The following ERBB4 variants were observed in gnomAD, a reference collection of about 807,000 sequenced individuals.
ERBB4 encodes the protein receptor tyrosine-protein kinase erbB-4.
ERBB4 carries 42 observed loss-of-function variants against 158.0 expected under a neutral mutation model. That is an observed-to-expected ratio of 0.27 (90% CI 0.21 to 0.34). The LOEUF (loss-of-function observed/expected upper bound fraction) is 0.34. ERBB4 is among the 10% of genes least tolerant of loss of function. ERBB4 has a pLI of 1.00. For synonymous variants in ERBB4, 583 were observed against 558.7 expected, an observed-to-expected ratio of 1.04 and a Z score of -0.61; for missense variants, 1,333 against 1,624.1, an observed-to-expected ratio of 0.82 and a Z score of 3.08.
chr2:211,865,215 A>G (rs1037034270), intron 3 of ERBB4, among the ~76,000 whole-genome samples: 1 of 151,126 alleles, frequency 6.6e-6, no homozygotes, highest in Admixed American at 6.6e-5. Context: ...GTATATATCT[A>G]TATGTATATA....
chr2:212,097,074 T>TA (rs1280604459), intron 2 of ERBB4, among the ~76,000 whole-genome samples: 1 of 152,188 alleles, frequency 6.6e-6, no homozygotes, highest in Non-Finnish European at 1.5e-5. Flanking sequence ...AATGTTTATT[T>TA]AGTACATACA....
At chr2:211,514,136 C>G (rs2065963830) in intron 20 of ERBB4, among the ~76,000 whole-genome samples, 1 of 152,158 alleles carries the variant, frequency 6.6e-6, no homozygotes, top group African/African-American at 2.4e-5. Context: ...CCCTTACCCT[C>G]TACTCTTCCC....
At chr2:212,199,630 T>A (rs2082533501) in intron 1 of ERBB4, among the ~76,000 whole-genome samples, 1 of 152,224 alleles carries the variant, frequency 6.6e-6, no homozygotes, top group Non-Finnish European at 1.5e-5. Context: ...GCCTGGTTTA[T>A]CTTGAGACCA....
intron 2 of ERBB4, among the ~76,000 whole-genome samples, chr2:211,981,719 T>A (rs1436070312): frequency 3.9e-5 from 6 of 152,192 alleles, no homozygotes; most frequent in Non-Finnish European, 8.8e-5. Flanking sequence ...GCAGAACTAA[T>A]CATTTTATCT....
At chr2:211,918,140 T>C (rs187892947) in intron 3 of ERBB4, among the ~76,000 whole-genome samples, 1 of 152,314 alleles carries the variant, frequency 6.6e-6, no homozygotes, top group African/African-American at 2.4e-5. Context: ...GGAGCTGATT[T>C]AGCACATGAG....
At chr2:212,103,927 C>T (rs905869257) in intron 2 of ERBB4, among the ~76,000 whole-genome samples, 11 of 151,980 alleles carry the variant, frequency 7.2e-5, no homozygotes, top group African/African-American at 2.7e-4. Flanking sequence ...CTGTACAATG[C>T]AAAACAGAAC....
chr2:211,992,315 G>A (rs1319903992), intron 2 of ERBB4, among the ~76,000 whole-genome samples: 3 of 152,010 alleles, frequency 2.0e-5, no homozygotes, highest in Non-Finnish European at 4.4e-5. Flanking sequence ...GAGTAAATGA[G>A]GAGGAAACAA....
intron 2 of ERBB4, among the ~76,000 whole-genome samples, chr2:211,971,325 T>A (rs538124048): frequency 6.6e-6 from 1 of 152,216 alleles, no homozygotes; most frequent in Admixed American, 6.5e-5. Context: ...GAGAAATGGA[T>A]GAATTCCTGG....
intron 1 of ERBB4, among the ~76,000 whole-genome samples, chr2:212,290,980 C>G (rs1049190956): frequency 2.6e-5 from 4 of 152,080 alleles, no homozygotes; most frequent in African/African-American, 9.7e-5. Context: ...AAAAGTTACA[C>G]AAGACCCCAG....
intron 16 of ERBB4, among the ~76,000 whole-genome samples, chr2:211,652,160 CAACTG>C (rs912865648): frequency 1.3e-5 from 2 of 152,138 alleles, no homozygotes; most frequent in African/African-American, 4.8e-5. Flanking sequence ...CAGTAATTAA[CAACTG>C]AGCTGAGACG....
At chr2:211,584,798 T>A (rs1395897788) in intron 19 of ERBB4, among the ~76,000 whole-genome samples, 11 of 151,956 alleles carry the variant, frequency 7.2e-5, no homozygotes, top group Admixed American at 5.9e-4. Flanking sequence ...ATTTTATGCA[T>A]CTATGTATAT....
intron 1 of ERBB4, among the ~76,000 whole-genome samples, chr2:212,514,349 T>C (rs1418566347): frequency 6.6e-6 from 1 of 152,234 alleles, no homozygotes; most frequent in Non-Finnish European, 1.5e-5. Flanking sequence ...GTTAACAAGG[T>C]ACTTAAAAGT....
At chr2:211,687,876 C>A (rs762045545) in intron 12 of ERBB4, among the ~76,000 whole-genome samples, 2 of 152,070 alleles carry the variant, frequency 1.3e-5, no homozygotes, top group Non-Finnish European at 2.9e-5. Flanking sequence ...TTGTACTTAG[C>A]GGGAGGAAAA....
chr2:211,386,870 C>A lies in ERBB4; in HGVS notation c.3464G>T (p.Arg1155Leu), dbSNP rs1044752647. ...GTTCATACCTTGTTTGGGTTTGTCT[C>A]GCATAGGAGTCATGTAACCTTCCTC... is the stretch of plus-strand genomic sequence containing the variant. ...LDEEGYMTPMRDKPKQEYLNP... is the reference protein window; with the variant it reads ...LDEEGYMTPMLDKPKQEYLNP... Residue 1155 changes from arginine (R) to leucine (L), a missense_variant, in exon 27 of 28, where the codon CGA becomes CTA. By Grantham distance (102) the Arg-to-Leu change is moderately radical. Coordinates refer to ENST00000342788, the MANE Select transcript of ERBB4 (RefSeq NM_005235.3). 1 of 1,614,100 alleles carries A rather than the reference C, an allele frequency of 6.2e-7. No individual in the cohort carries two copies. Among genetic ancestry groups the A allele is most frequent in the African/African-American group, 1.3e-5 (1 of 75,020 alleles).
At chr2:212,121,859 A>AC (rs1186786192) in intron 2 of ERBB4, among the ~76,000 whole-genome samples, 1 of 151,994 alleles carries the variant, frequency 6.6e-6, no homozygotes, top group African/African-American at 2.4e-5. Flanking sequence ...TTCTCTTACA[A>AC]CCCACTCACC....
chr2:212,446,795 T>C (rs2092366194), intron 1 of ERBB4, among the ~76,000 whole-genome samples: 1 of 149,862 alleles, frequency 6.7e-6, no homozygotes. Flanking sequence ...TACCAATGGA[T>C]GAAATGTAAT....
In ERBB4 at chr2:211,932,648, T is replaced by C. The variant is rs184025131; in HGVS notation, c.421+14782A>G. On this transcript the variant is annotated intron_variant, in intron 3 of 27. Coordinates refer to ENST00000342788, the MANE Select transcript of ERBB4 (RefSeq NM_005235.3). ...CACACTCATGGCTTAAAAGTTCCCATTTCTGTTAATTTGATAATTATATAT... is the reference window on the plus strand; with the variant it reads ...CACACTCATGGCTTAAAAGTTCCCACTTCTGTTAATTTGATAATTATATAT... Among the ~76,000 whole-genome samples, 145 of 152,080 alleles carry C rather than the reference T, an allele frequency of 9.5e-4. 1 individual carries two copies. The highest frequency in any genetic ancestry group is 3.0e-3 in the African/African-American group (124 of 41,566).
chr2:212,449,314 G>A (rs12694281), intron 1 of ERBB4, among the ~76,000 whole-genome samples: 59,661 of 151,938 alleles, frequency 0.39, 12,467 homozygotes, highest in African/African-American at 0.48. Context: ...CCAACGATAA[G>A]TATCAGCAGA....
intron 1 of ERBB4, among the ~76,000 whole-genome samples, chr2:212,161,899 T>C (rs954553): frequency 0.64 from 97,463 of 151,652 alleles, 32,034 homozygotes; most frequent in African/African-American, 0.69. Flanking sequence ...TTATTAATCT[T>C]TGCTTCCATT....
Sources: gnomAD v4.1 joint callset for allele counts (sites outside exome capture counted in the v4.1 genomes callset) on GRCh38, gnomAD v4.1.1 for gene constraint, MANE v1.5 for transcripts, NCBI Gene and HGNC (gene_info 2026-07-23, HGNC 2026-07-21) for gene names.